The following TFE3 variants were observed in gnomAD, a reference collection of about 807,000 sequenced individuals.
TFE3 encodes transcription factor binding to IGHM enhancer 3.
A neutral mutation model predicts 35.0 loss-of-function variants in TFE3; 5 were observed. The ratio of observed to expected loss-of-function variants is 0.14; its 90% CI spans 0.07 to 0.30. The LOEUF is 0.30. Among genes scored for constraint, TFE3 ranks in the 10% least tolerant of loss-of-function variants. TFE3 has a pLI of 1.00. For synonymous variants in TFE3, 211 were observed against 215.6 expected (o/e 0.98, Z 0.18); for missense variants, 374 against 496.6 (o/e 0.75, Z 2.35).
At position 49,043,275 on chromosome X, in the gene TFE3, G is replaced by C; in HGVS notation, c.-49C>G. On this transcript the variant is annotated 5_prime_UTR_variant, in exon 1 of 10. Coordinates refer to ENST00000315869, the MANE Select transcript of TFE3 (RefSeq NM_006521.6). ...TGCCAGGCCGGTCGGGCCTCGGCCCGGTCCCCCTAACAAAATAAGAGTCCC... is the reference window on the plus strand; with the variant it reads ...TGCCAGGCCGGTCGGGCCTCGGCCCCGTCCCCCTAACAAAATAAGAGTCCC... The C allele has an allele frequency of 1.0e-6, 1 of 984,170 alleles. No homozygotes were observed. Among genetic ancestry groups the C allele is most frequent in the Non-Finnish European group, 1.4e-6 (1 of 737,856 alleles). 81.1% of individuals were successfully genotyped at this position (984,170 alleles called of 1,213,427 possible).
chrX:49,031,473 T>TGCTCCTTCTGCA lies in TFE3; in HGVS notation c.1196_1207dup (p.Leu399_Glu402dup). 8.3e-7 allele frequency: 1 copy of TGCTCCTTCTGCA among 1,204,461 alleles called. No homozygotes were observed. Among genetic ancestry groups the TGCTCCTTCTGCA allele is most frequent in the Non-Finnish European group, 1.1e-6 (1 of 891,688 alleles). On this transcript the variant is annotated inframe_insertion, in exon 9 of 10. Coordinates refer to ENST00000315869, the MANE Select transcript of TFE3 (RefSeq NM_006521.6). ...GCTCTCCAGGTCTTTGGAGCGCTGC[T>TGCTCCTTCTGCA]GCTCCTTCTGCAGCTTGCGGATATA...
intron 8 of TFE3, among the ~76,000 whole-genome samples, chrX:49,032,673 C>CT (rs782306525): frequency 5.5e-4 from 52 of 93,967 alleles, no homozygotes; most frequent in Admixed American, 1.3e-3. Context: ...ACCCGGCCAT[C>CT]TTTTTTTTTT....
chrX:49,030,562 G>A lies in TFE3; in HGVS notation c.1324C>T (p.Pro442Ser), dbSNP rs946614302. The change falls in exon 10 of 10, where the codon CCT becomes TCT. Residue 442 changes from proline (P) to serine (S), a missense_variant. Physicochemically the swap from Pro to Ser is moderately conservative, Grantham distance 74 (BLOSUM62 -1). This residue lies in a region of TFE3 where 117 missense variants were observed against 111.9 expected (regional missense o/e 1.05). Transcript: ENST00000315869. ...LQAQIHGLPVPPTPGLLSLAT... is the reference protein window; with the variant it reads ...LQAQIHGLPVSPTPGLLSLAT... Reference sequence around the variant, plus strand: ...AAGGAAAGCAGCCCTGGAGTGGGAGGTACTGGCAGGCCATGGATCTGGGCC... The same window carrying A: ...AAGGAAAGCAGCCCTGGAGTGGGAGATACTGGCAGGCCATGGATCTGGGCC... 11 of 1,208,961 alleles carry A rather than the reference G, an allele frequency of 9.1e-6. No individual in the cohort carries two copies. The highest frequency in any genetic ancestry group is 4.6e-4 in the Middle Eastern group (2 of 4,364).
chrX:49,031,428 T>A lies in TFE3; in HGVS notation c.1253A>T (p.Gln418Leu). The A allele has an allele frequency of 8.3e-7, 1 of 1,203,950 alleles. No homozygotes were observed. Among genetic ancestry groups the A allele is most frequent in the Non-Finnish European group, 1.1e-6 (1 of 891,197 alleles). ...TCGGAGCTGCAGGCTGCGGTTGGCCTGCTCCAGGGATCGCTGCCGGCTCTC... is the reference window on the plus strand; with the variant it reads ...TCGGAGCTGCAGGCTGCGGTTGGCCAGCTCCAGGGATCGCTGCCGGCTCTC... ...DLESRQRSLEQANRSLQLRIQ... is the reference protein window; with the variant it reads ...DLESRQRSLELANRSLQLRIQ... The change falls in exon 9 of 10, where the codon CAG becomes CTG. Residue 418 changes from glutamine (Q) to leucine (L), a missense_variant. Physicochemically the swap from Gln to Leu is moderately radical, Grantham distance 113 (BLOSUM62 -2). Transcript: ENST00000315869.
rs1569521482 is a variant in TFE3 at position 49,043,093 on chromosome X, C to T, written c.116+18G>A. 4 of 1,138,141 alleles carry T rather than the reference C, an allele frequency of 3.5e-6. No individual in the cohort carries two copies. The highest frequency in any genetic ancestry group is 3.5e-6 in the Non-Finnish European group (3 of 857,780). The allele number at this position is 1,138,141 out of a possible 1,213,427, so 93.8% of individuals were successfully genotyped here. On this transcript the variant is annotated intron_variant, in intron 1 of 9. Transcript: ENST00000315869. ...TGGGAGCCCCAGTCGGCACTCCCAG[C>T]CCCAGGCGGCCCCGCACCTGAGCAG...
intron 1 of TFE3, among the ~76,000 whole-genome samples, chrX:49,040,912 T>C (rs1337340241): frequency 9.4e-6 from 1 of 106,351 alleles, no homozygotes; most frequent in African/African-American, 3.5e-5. Flanking sequence ...CTATTCAGAG[T>C]TCTCCCAGCC....
In TFE3 at chrX:49,030,490, T is replaced by A. The variant is rs1557073551; in HGVS notation, c.1396A>T (p.Ile466Phe). The stretch of plus-strand genomic sequence containing the variant: ...GCGCCTGGCCTGCCCTCCTCCTCAA[T>A]GTCCAGCTGCTCTGGCTTGAGGCTG... The part of the protein sequence containing the change: ...SDSLKPEQLD[I>F]EEEGRPGAAT... The change falls in exon 10 of 10, where the codon ATT (isoleucine) becomes TTT (phenylalanine). Residue 466 changes from isoleucine (I) to phenylalanine (F), a missense_variant. Physicochemically the swap from Ile to Phe is conservative, Grantham distance 21 (BLOSUM62 0). This residue lies in a region of TFE3 where 117 missense variants were observed against 111.9 expected (regional missense o/e 1.05). Transcript: ENST00000315869. The A allele has an allele frequency of 8.3e-7, 1 of 1,209,515 alleles. No homozygotes were observed. Among genetic ancestry groups the A allele is most frequent in the Non-Finnish European group, 1.1e-6 (1 of 895,048 alleles).
rs368895179 is a variant in TFE3 at position 49,034,256 on chromosome X, G to A, written c.886-5C>T. On this transcript the variant is annotated splice_region_variant and splice_polypyrimidine_tract_variant and intron_variant, in intron 5 of 9. Transcript: ENST00000315869. ...CAGATTCCCTGACACAGGCAGCTGG[G>A]GGCAGAGAGGGCAGAGAACCACCAG... 8.2e-6 allele frequency: 9 copies of A among 1,098,662 alleles called. No individual in the cohort carries two copies. The African/African-American group carries it at 1.2e-4, about 14-fold the overall frequency. The allele number at this position is 1,098,662 out of a possible 1,213,427, so 90.5% of individuals were successfully genotyped here.
At chrX:49,040,372 G>T in intron 2 of TFE3, 83 bp downstream of exon 2, 1 of 725,681 alleles carries the variant, frequency 1.4e-6, no homozygotes, top group Non-Finnish European at 2.2e-6. Flanking sequence ...GGGTTGGGCT[G>T]GTACTGAGGG....
chrX:49,040,661 G>T, intron 1 of TFE3, 93 bp from the exon 2 acceptor site: 1 of 603,277 alleles, frequency 1.7e-6, no homozygotes, highest in South Asian at 2.5e-5. Context: ...GAGAGGGGGG[G>T]AGAACGAAGA....
intron 9 of TFE3, 63 bp from the exon 10 acceptor site, chrX:49,030,664 G>A (rs2064695121): frequency 4.0e-6 from 4 of 1,004,307 alleles, no homozygotes; most frequent in South Asian, 2.3e-5. Context: ...AGGCAGAGGA[G>A]TATAAAGGTT....
intron 8 of TFE3, 53 bp from the exon 9 acceptor site, chrX:49,031,597 A>C: frequency 6.3e-6 from 7 of 1,112,769 alleles, no homozygotes; most frequent in Non-Finnish European, 8.3e-6. Context: ...GGAGTTTCTC[A>C]GGAGCTGAGG....
At position 49,038,295 on chromosome X, in the gene TFE3, G is replaced by A; in HGVS notation, c.682C>T (p.Leu228=). Residue 228 remains leucine (L), a synonymous_variant, in exon 4 of 10, where the codon CTG becomes TTG. Coordinates refer to ENST00000315869, the MANE Select transcript of TFE3 (RefSeq NM_006521.6). ...PPPGPASAQP[L]PAPEAAHTTG... is the part of the protein sequence containing the mutation. The stretch of plus-strand genomic sequence containing the variant: ...GTGTGGGCAGCCTCAGGGGCAGGCA[G>A]TGGCTGGGCACTTGCGGGCCCCGGC... 1 of 1,206,331 alleles carries A rather than the reference G, an allele frequency of 8.3e-7. No homozygotes were observed. Among genetic ancestry groups the A allele is most frequent in the Non-Finnish European group, 1.1e-6 (1 of 893,606 alleles).
At position 49,029,454 on chromosome X, in the gene TFE3, C is replaced by G. The variant is rs782437015; in HGVS notation, c.*704G>C. The G allele has an allele frequency of 1.6e-5, 4 of 249,767 alleles. No homozygotes were observed. In the South Asian group the frequency reaches 3.2e-4, roughly 20 times the overall value. 20.6% of individuals were successfully genotyped at this position (249,767 alleles called of 1,213,427 possible). On this transcript the variant is annotated 3_prime_UTR_variant, in exon 10 of 10. Coordinates refer to ENST00000315869, the MANE Select transcript of TFE3 (RefSeq NM_006521.6). Reference sequence around the variant, plus strand: ...TGAGGGACAAGGGTGGGGCTGTGATCTCCACAAGCACTAGCGGTGGCCTGG... The same window carrying G: ...TGAGGGACAAGGGTGGGGCTGTGATGTCCACAAGCACTAGCGGTGGCCTGG...
chrX:49,030,905 A>G (rs1557073613), intron 9 of TFE3, among the ~76,000 whole-genome samples: 1 of 110,687 alleles, frequency 9.0e-6, no homozygotes, highest in Non-Finnish European at 1.9e-5. Context: ...ACCAACATGG[A>G]GAAACCCCAT....
chrX:49,030,712 G>T, intron 9 of TFE3, 111 bp from the exon 10 acceptor site: 1 of 641,550 alleles, frequency 1.6e-6, no homozygotes, highest in Non-Finnish European at 2.4e-6. Context: ...TTCAGCTTCT[G>T]CTACTCACTA....
intron 6 of TFE3, 34 bp from the exon 7 acceptor site, chrX:49,033,816 C>A (rs782075514): frequency 8.4e-7 from 1 of 1,196,811 alleles, no homozygotes; most frequent in Non-Finnish European, 1.1e-6. Flanking sequence ...GGCCTCTGAG[C>A]ACAGGAAGGC....
At chrX:49,042,052 C>T (rs1416881876) in intron 1 of TFE3, among the ~76,000 whole-genome samples, 2 of 110,673 alleles carry the variant, frequency 1.8e-5, no homozygotes, top group Non-Finnish European at 3.8e-5. Context: ...ACCCATTGCA[C>T]AGAAGTTGGA....
At position 49,030,565 on chromosome X, in the gene TFE3, C is replaced by A; in HGVS notation, c.1321G>T (p.Val441Leu). Residue 441 changes from valine (V) to leucine (L), a missense_variant, in exon 10 of 10, where the codon GTA becomes TTA. Coordinates refer to ENST00000315869, the MANE Select transcript of TFE3 (RefSeq NM_006521.6). ...GAAAGCAGCCCTGGAGTGGGAGGTA[C>A]TGGCAGGCCATGGATCTGGGCCTGC... ...ELQAQIHGLPVPPTPGLLSLA... is the reference protein window; with the variant it reads ...ELQAQIHGLPLPPTPGLLSLA... 1 of 1,210,917 alleles carries A rather than the reference C, an allele frequency of 8.3e-7. No individual in the cohort carries two copies. Among genetic ancestry groups the A allele is most frequent in the Non-Finnish European group, 1.1e-6 (1 of 895,096 alleles).
Sources: gnomAD v4.1 joint callset for allele counts (sites outside exome capture counted in the v4.1 genomes callset) on GRCh38, gnomAD v4.1.1 for gene constraint, gnomAD v4.1.1 regional missense constraint, MANE v1.5 for transcripts, NCBI Gene and HGNC (gene_info 2026-07-23, HGNC 2026-07-21) for gene names.